CTNNA3: variants seen among roughly 807,000 people sequenced by gnomAD.
CTNNA3 encodes the protein catenin alpha-3.
Under a neutral mutation model 95.7 loss-of-function variants are expected in CTNNA3, and 76 were observed. The observed-to-expected ratio is 0.79, with a 90% CI of 0.66 to 0.96. The LOEUF is 0.96. Among genes scored for constraint, CTNNA3 ranks in the 40% least tolerant of loss-of-function variants. CTNNA3 has a pLI of 0.00. For missense variants in CTNNA3, 1,191 were observed against 1,089.8 expected (o/e 1.09, Z -1.31); for synonymous variants, 431 against 374.4 (o/e 1.15, Z -1.74).
intron 5 of CTNNA3, among the ~76,000 whole-genome samples, chr10:67,325,298 T>C (rs960918116): frequency 6.6e-6 from 1 of 152,298 alleles, no homozygotes; most frequent in Admixed American, 6.5e-5. Context: ...TTGCTCCTGG[T>C]TCTCTAGTTC....
chr10:67,022,208 A>G (rs1487174740), intron 7 of CTNNA3, among the ~76,000 whole-genome samples: 1 of 152,214 alleles, frequency 6.6e-6, no homozygotes, highest in Non-Finnish European at 1.5e-5. Flanking sequence ...CAACACTTCC[A>G]ATATAAAAGA....
intron 12 of CTNNA3, among the ~76,000 whole-genome samples, chr10:66,348,459 T>C (rs550615032): frequency 6.6e-6 from 1 of 152,232 alleles, no homozygotes; most frequent in South Asian, 2.1e-4. Flanking sequence ...TGATAATGTA[T>C]ATACAATTTA....
intron 13 of CTNNA3, among the ~76,000 whole-genome samples, chr10:66,151,316 C>T (rs1263465309): frequency 6.6e-6 from 1 of 151,814 alleles, no homozygotes; most frequent in Non-Finnish European, 1.5e-5. Context: ...CGAAGAAGCT[C>T]ACATCTGACA....
chr10:66,446,484 G>A (rs1362596469), intron 11 of CTNNA3, among the ~76,000 whole-genome samples: 2 of 151,502 alleles, frequency 1.3e-5, no homozygotes, highest in Admixed American at 1.3e-4. Flanking sequence ...CCATGATCAA[G>A]TGGGCTTCAT....
intron 5 of CTNNA3, among the ~76,000 whole-genome samples, chr10:67,403,782 T>G (rs74144414): frequency 0.031 from 4,691 of 152,312 alleles, 239 homozygotes; most frequent in African/African-American, 0.11. Context: ...AAAACAGGGT[T>G]TCCAGCCACA....
intron 1 of CTNNA3, among the ~76,000 whole-genome samples, chr10:67,762,185 CAAAAAAAAA>C (rs55895053): frequency 1.4e-5 from 1 of 72,318 alleles, no homozygotes; most frequent in Non-Finnish European, 3.5e-5. Context: ...ATAAATCAGC[CAAAAAAAAA>C]AAAAAAAAAG....
chr10:67,473,253 G>A (rs1847892156), intron 5 of CTNNA3, among the ~76,000 whole-genome samples: 1 of 152,086 alleles, frequency 6.6e-6, no homozygotes, highest in Non-Finnish European at 1.5e-5. Context: ...ATGCTTTCCA[G>A]GATTTTCAAA....
intron 15 of CTNNA3, among the ~76,000 whole-genome samples, chr10:66,053,755 T>C (rs2080012922): frequency 6.6e-6 from 1 of 152,060 alleles, no homozygotes; most frequent in Admixed American, 6.6e-5. Context: ...TTTATCTTTT[T>C]TGTGTTAGGA....
Position 66,269,926 on chromosome 10 carries a change from A to C in CTNNA3, c.1884+10544T>G, listed in dbSNP as rs1414425602. ...TCTACGAAGACAAATAGCATCAAAC[A>C]GACATGTACTGTGCATTCATAATTA... is the stretch of plus-strand genomic sequence containing the variant. On this transcript the variant is annotated intron_variant, in intron 13 of 17. Coordinates refer to ENST00000433211, the MANE Select transcript of CTNNA3 (RefSeq NM_013266.4). 3.3e-5 allele frequency among the ~76,000 whole-genome samples: 5 copies of C among 152,314 alleles called. No individual in the cohort carries two copies. In the South Asian group the frequency reaches 1.0e-3, roughly 32 times the overall value.
chr10:66,113,089 A>G (rs2133785513), intron 13 of CTNNA3, among the ~76,000 whole-genome samples: 1 of 152,308 alleles, frequency 6.6e-6, no homozygotes, highest in East Asian at 1.9e-4. Context: ...TCCCACCAAC[A>G]GAGTACTAGG....
chr10:67,414,011 T>G (rs563762650), intron 5 of CTNNA3, among the ~76,000 whole-genome samples: 2 of 151,970 alleles, frequency 1.3e-5, no homozygotes, highest in East Asian at 3.9e-4. Flanking sequence ...AAACTAACTT[T>G]GCACCTACAG....
chr10:66,736,360 TTTTTTTAA>T (rs1210492388), intron 9 of CTNNA3, among the ~76,000 whole-genome samples: 10 of 151,778 alleles, frequency 6.6e-5, no homozygotes, highest in Non-Finnish European at 1.5e-4. Flanking sequence ...TAATTTTTTT[TTTTTTTAA>T]TTTTAGTGGA....
chr10:67,547,215 C>A (rs1335893157), intron 3 of CTNNA3, among the ~76,000 whole-genome samples: 2 of 151,992 alleles, frequency 1.3e-5, no homozygotes, highest in African/African-American at 2.4e-5. Context: ...CACCTCCCCC[C>A]CAAAAAATAC....
intron 7 of CTNNA3, among the ~76,000 whole-genome samples, chr10:66,930,796 T>G (rs912547054): frequency 2.0e-5 from 3 of 152,118 alleles, no homozygotes; most frequent in African/African-American, 7.2e-5. Flanking sequence ...ACTTTACTAA[T>G]AAACATAATA....
At chr10:67,160,256 G>T (rs139381144) in intron 7 of CTNNA3, among the ~76,000 whole-genome samples, 5 of 152,180 alleles carry the variant, frequency 3.3e-5, no homozygotes, top group East Asian at 1.9e-4. Flanking sequence ...AGGAATGCTT[G>T]TACACTATTG....
chr10:66,207,593 A>G (rs1348383042), intron 13 of CTNNA3, among the ~76,000 whole-genome samples: 4 of 152,004 alleles, frequency 2.6e-5, no homozygotes, highest in African/African-American at 4.8e-5. Context: ...CATGTCATCA[A>G]TTTAAGTATC....
chr10:66,865,689 A>G (rs999473452), intron 7 of CTNNA3, among the ~76,000 whole-genome samples: 7 of 151,966 alleles, frequency 4.6e-5, no homozygotes, highest in Admixed American at 3.9e-4. Flanking sequence ...TTCCTTTTTC[A>G]TTTTCAGCTA....
intron 7 of CTNNA3, among the ~76,000 whole-genome samples, chr10:66,830,260 T>C (rs1231069932): frequency 6.6e-6 from 1 of 152,218 alleles, no homozygotes; most frequent in Admixed American, 6.5e-5. Flanking sequence ...ACGATACTGT[T>C]AGCAAAGCTT....
chr10:67,313,446 T>A lies in CTNNA3; in HGVS notation c.580-93576A>T, dbSNP rs10997611. On this transcript the variant is annotated intron_variant, in intron 5 of 17. Coordinates refer to ENST00000433211, the MANE Select transcript of CTNNA3 (RefSeq NM_013266.4). ...GAATCCGTCTCAAAAAAAAAAAAAA[T>A]AATAATAATAATAAAATAAACTTTA... Among the ~76,000 whole-genome samples, 1,437 of 149,640 alleles carry A rather than the reference T, an allele frequency of 9.6e-3. 14 individuals carry two copies. Among genetic ancestry groups the A allele is most frequent in the African/African-American group, 0.031 (1,237 of 40,488 alleles).
Sources: gnomAD v4.1 joint callset for allele counts (sites outside exome capture counted in the v4.1 genomes callset) on GRCh38, gnomAD v4.1.1 for gene constraint, MANE v1.5 for transcripts, NCBI Gene and HGNC (gene_info 2026-07-23, HGNC 2026-07-21) for gene names.